SMCP: variants seen among roughly 807,000 people sequenced by gnomAD.
SMCP encodes sperm mitochondrial-associated cysteine-rich protein.
For synonymous variants in SMCP, 41 were observed against 46.9 expected (o/e 0.87, Z 0.51); for missense variants, 137 against 137.1 (o/e 1.00, Z 0.01).
Position 152,884,673 on chromosome 1 carries a change from A to G in SMCP, c.251A>G (p.Asn84Ser). ...ACCAAGCCTGAAGTCTCACCCCTTA[A>G]CATGGAGTCTGAGCCCAACTCACCG... ...LETKPEVSPL[N>S]MESEPNSPQT... Residue 84 changes from asparagine to serine, a missense_variant, in exon 2 of 2, where the codon AAC becomes AGC. Transcript: ENST00000368765. The G allele has an allele frequency of 6.2e-7, 1 of 1,614,164 alleles. No homozygotes were observed. The highest frequency in any genetic ancestry group is 1.1e-5 in the South Asian group (1 of 91,074).
chr1:152,881,032 A>G (rs971483116), intron 1 of SMCP, among the ~76,000 whole-genome samples: 3 of 1,288 alleles, frequency 2.3e-3, no homozygotes, highest in African/African-American at 7.8e-3. Flanking sequence ...TCAGAAAGTG[A>G]AAGTGAAGAG....
chr1:152,884,490 A>G lies in SMCP; in HGVS notation c.68A>G (p.Gln23Arg). 1 of 1,614,008 alleles carries G rather than the reference A, an allele frequency of 6.2e-7. No homozygotes were observed. Among genetic ancestry groups the G allele is most frequent in the Non-Finnish European group, 8.5e-7 (1 of 1,179,912 alleles). ...GGCAATCAATGCTGCCCACCACAGCAGAACCAGTGCTGCCAGTCAAAAGGC... is the reference window on the plus strand; with the variant it reads ...GGCAATCAATGCTGCCCACCACAGCGGAACCAGTGCTGCCAGTCAAAAGGC... ...AKGNQCCPPQ[Q>R]NQCCQSKGNQ... Residue 23 changes from glutamine (Q) to arginine (R), a missense_variant, in exon 2 of 2, where the codon CAG (glutamine) becomes CGG (arginine). Physicochemically the swap from Gln to Arg is conservative, Grantham distance 43. Coordinates refer to ENST00000368765, the MANE Select transcript of SMCP (RefSeq NM_030663.3).
At position 152,881,427 on chromosome 1, in the gene SMCP, G is replaced by A. The variant is rs185364249; in HGVS notation, c.-20-2976G>A. Among the ~76,000 whole-genome samples the A allele has an allele frequency of 1.2e-3, 185 of 152,188 alleles. 1 individual carries two copies. Among genetic ancestry groups the A allele is most frequent in the African/African-American group, 4.2e-3 (175 of 41,524 alleles). On this transcript the variant is annotated intron_variant, in intron 1 of 1. Transcript: ENST00000368765. ...TACCCGGCCGGGCGCGGTGGCTCACGCCTGTAATCCCAGCACTTTGGGAGG... is the reference window on the plus strand; with the variant it reads ...TACCCGGCCGGGCGCGGTGGCTCACACCTGTAATCCCAGCACTTTGGGAGG...
chr1:152,880,470 C>T (rs1400169348), intron 1 of SMCP, among the ~76,000 whole-genome samples: 2 of 152,198 alleles, frequency 1.3e-5, no homozygotes, highest in Non-Finnish European at 2.9e-5. Flanking sequence ...TTATACTGGT[C>T]TGTCTCCGTC....
In SMCP at chr1:152,884,783, A is replaced by T. The variant is rs760035802; in HGVS notation, c.*10A>T. On this transcript the variant is annotated 3_prime_UTR_variant, in exon 2 of 2. Coordinates refer to ENST00000368765, the MANE Select transcript of SMCP (RefSeq NM_030663.3). ...CAGGCCAAGCAAATGAGAGCAGAAG[A>T]AGTCAAACAAAGAAGAAGTCCCTGG... The T allele has an allele frequency of 1.2e-6, 2 of 1,607,942 alleles. No homozygotes were observed. The highest frequency in any genetic ancestry group is 1.7e-6 in the Non-Finnish European group (2 of 1,176,004).
chr1:152,883,880 A>G (rs1649127776), intron 1 of SMCP, among the ~76,000 whole-genome samples: 1 of 152,206 alleles, frequency 6.6e-6, no homozygotes, highest in Non-Finnish European at 1.5e-5. Flanking sequence ...CAAGAGTTTC[A>G]TTGCACCTGG....
At position 152,884,590 on chromosome 1, in the gene SMCP, T is replaced by C. The variant is rs746065840; in HGVS notation, c.168T>C (p.Asn56=). 1.2e-6 allele frequency: 2 copies of C among 1,613,932 alleles called. No homozygotes were observed. Among genetic ancestry groups the C allele is most frequent in the Non-Finnish European group, 1.7e-6 (2 of 1,179,970 alleles). The change falls in exon 2 of 2, where the codon AAT becomes AAC. Residue 56 remains asparagine (N), a synonymous_variant. Transcript: ENST00000368765. ...KGSQCCPPKH[N]HCCQPKPPCC... is the part of the protein sequence containing the mutation. ...GTCAATGCTGCCCACCAAAACACAA[T>C]CACTGCTGCCAGCCAAAACCCCCAT...
intron 1 of SMCP, among the ~76,000 whole-genome samples, chr1:152,879,218 G>A (rs1337367933): frequency 6.6e-6 from 1 of 152,054 alleles, no homozygotes; most frequent in African/African-American, 2.4e-5. Flanking sequence ...TTATTTGTTT[G>A]TTTCTTTTTA....
intron 1 of SMCP, among the ~76,000 whole-genome samples, chr1:152,884,169 G>A (rs1649135100): frequency 6.6e-6 from 1 of 152,118 alleles, no homozygotes; most frequent in African/African-American, 2.4e-5. Flanking sequence ...TACATATTCT[G>A]GTCTTTTGAT....
intron 1 of SMCP, among the ~76,000 whole-genome samples, chr1:152,878,852 G>T (rs1648948444): frequency 6.6e-6 from 1 of 152,242 alleles, no homozygotes; most frequent in Non-Finnish European, 1.5e-5. Flanking sequence ...TATTCAGTGA[G>T]CATGTGGGGA....
intron 1 of SMCP, among the ~76,000 whole-genome samples, chr1:152,881,953 ATTATT>A (rs57985251): frequency 9.2e-5 from 14 of 151,924 alleles, no homozygotes; most frequent in African/African-American, 2.2e-4. Context: ...ACCCCCAGAA[ATTATT>A]TTATTTTATT....
chr1:152,880,660 C>G (rs1351591125), intron 1 of SMCP, among the ~76,000 whole-genome samples: 1 of 152,096 alleles, frequency 6.6e-6, no homozygotes, highest in Non-Finnish European at 1.5e-5. Flanking sequence ...AGTCTTTGCT[C>G]TAGTGTCTTC....
At chr1:152,881,957 T>G (rs561247276) in intron 1 of SMCP, among the ~76,000 whole-genome samples, 114 of 152,132 alleles carry the variant, frequency 7.5e-4, no homozygotes, top group Non-Finnish European at 1.3e-3. Context: ...CCAGAAATTA[T>G]TTTATTTTAT....
chr1:152,882,253 G>T (rs1167046872), intron 1 of SMCP, among the ~76,000 whole-genome samples: 1 of 152,200 alleles, frequency 6.6e-6, no homozygotes, highest in Admixed American at 6.5e-5. Flanking sequence ...TTACAGACGT[G>T]AGCCACTGTG....
chr1:152,878,971 G>A (rs1648953758), intron 1 of SMCP, among the ~76,000 whole-genome samples: 1 of 152,208 alleles, frequency 6.6e-6, no homozygotes, highest in African/African-American at 2.4e-5. Flanking sequence ...GGTGCCTGAG[G>A]GAACAGTGTT....
intron 1 of SMCP, among the ~76,000 whole-genome samples, chr1:152,878,692 A>G (rs768067333): frequency 2.6e-5 from 4 of 152,204 alleles, no homozygotes; most frequent in Non-Finnish European, 5.9e-5. Flanking sequence ...AGACCACAAA[A>G]GTGAGACAAT....
At chr1:152,881,151 A>T (rs1022996570) in intron 1 of SMCP, among the ~76,000 whole-genome samples, 4 of 152,012 alleles carry the variant, frequency 2.6e-5, no homozygotes. Flanking sequence ...TACACTATGA[A>T]CTGGATTTAG....
intron 1 of SMCP, among the ~76,000 whole-genome samples, chr1:152,881,872 A>G (rs901309969): frequency 9.2e-5 from 14 of 152,240 alleles, no homozygotes; most frequent in Admixed American, 4.6e-4. Context: ...GAACAGGGGA[A>G]ATGTCAGATG....
intron 1 of SMCP, among the ~76,000 whole-genome samples, chr1:152,879,883 G>C (rs1379449700): frequency 6.6e-6 from 1 of 152,136 alleles, no homozygotes; most frequent in African/African-American, 2.4e-5. Flanking sequence ...CTGGACCTGG[G>C]CTCCAGGTGC....
Sources: gnomAD v4.1 joint callset for allele counts (sites outside exome capture counted in the v4.1 genomes callset) on GRCh38, gnomAD v4.1.1 for gene constraint, MANE v1.5 for transcripts, NCBI Gene and HGNC (gene_info 2026-07-23, HGNC 2026-07-21) for gene names.